PDLIM2: variants seen among roughly 807,000 people sequenced by gnomAD.
PDLIM2 encodes the protein PDZ and LIM domain protein 2.
A neutral mutation model predicts 54.1 loss-of-function variants in PDLIM2; 51 were observed. The ratio of observed to expected loss-of-function variants is 0.94; its 90% CI spans 0.75 to 1.19. The LOEUF (loss-of-function observed/expected upper bound fraction) is 1.19. PDLIM2 is among the 50% of genes most tolerant of loss of function. The pLI is 0.00. For synonymous variants in PDLIM2, 398 were observed against 385.6 expected (o/e 1.03, Z -0.38); for missense variants, 912 against 874.0 (o/e 1.04, Z -0.55).
intron 8 of PDLIM2, chr8:22,591,159 T>C (rs73672774): frequency 0.017 from 4,400 of 258,926 alleles, 204 homozygotes; most frequent in African/African-American, 0.094. Context: ...TCGTGTGGCT[T>C]GAGAGCTCAG....
chr8:22,585,624 C>G (rs574710131), intron 6 of PDLIM2: 3 of 548,386 alleles, frequency 5.5e-6, no homozygotes, highest in Non-Finnish European at 9.8e-6. Context: ...AGTAGCCCGT[C>G]CATCTCCTGC....
At chr8:22,578,767 C>G in exon 1 of PDLIM2, 2 of 1,233,856 alleles carry the variant, frequency 1.6e-6, no homozygotes, top group Non-Finnish European at 2.0e-6. Context: ...CCCACCCTGC[C>G]CAGGACCTGG....
rs542589680 is a variant in PDLIM2, at chr8:22,579,882, C to T, written c.748+355C>T. The stretch of plus-strand genomic sequence containing the variant: ...ACCCCGGCTGTCTGTCGGGCAGCAT[C>T]AGGAATCTGGGGGTGGGTGTGTCCA... On this transcript the variant is annotated intron_variant, in intron 1 of 9. Coordinates refer to ENST00000308354, the Ensembl canonical transcript of PDLIM2. The T allele has an allele frequency of 4.5e-5, 11 of 242,378 alleles. No homozygotes were observed. The South Asian group carries it at 1.6e-3, about 34-fold the overall frequency. 15.0% of individuals were successfully genotyped at this position (242,378 alleles called of 1,614,324 possible). A position where few individuals can be genotyped will look rare whatever the true frequency, so the allele number is the denominator to read the frequency against.
chr8:22,589,699 T>G (rs367558917), exon 8 of PDLIM2: 17 of 1,572,284 alleles, frequency 1.1e-5, no homozygotes, highest in Non-Finnish European at 1.4e-5. Flanking sequence ...ACAGTCCAGC[T>G]CCTTTCGGCT....
chr8:22,587,501 C>G (rs1260345236), intron 6 of PDLIM2, among the ~76,000 whole-genome samples: 2 of 152,116 alleles, frequency 1.3e-5, no homozygotes, highest in Non-Finnish European at 2.9e-5. Context: ...ACCCCTGACC[C>G]CCTGCCCTGC....
chr8:22,594,588 T>C (rs147556267), downstream of PDLIM2: 221 of 1,613,956 alleles, frequency 1.4e-4, 2 homozygotes, highest in African/African-American at 2.6e-3. Flanking sequence ...GAGGGGATGG[T>C]GGAGGGCGCC....
chr8:22,587,871 C>T (rs563847951), intron 6 of PDLIM2: 6 of 152,300 alleles, frequency 3.9e-5, no homozygotes, highest in Non-Finnish European at 8.8e-5. Flanking sequence ...CTTATAGTGC[C>T]TCTGGAAATT....
In PDLIM2 at chr8:22,581,507, G is replaced by T. The variant is rs376478765; in HGVS notation, c.972G>T (p.Ser324=). 7 of 1,591,912 alleles carry T rather than the reference G, an allele frequency of 4.4e-6. No individual in the cohort carries two copies. In the South Asian group the frequency reaches 7.9e-5, roughly 18 times the overall value. ...AGAGCAAGATCCGCCAGAGCCCCTCGCCCCTGCGGCTGCAGCTGGACCGGT... is the reference window on the plus strand; with the variant it reads ...AGAGCAAGATCCGCCAGAGCCCCTCTCCCCTGCGGCTGCAGCTGGACCGGT... Residue 324 remains serine (S), a synonymous_variant, in exon 3 of 10, where the codon TCG becomes TCT. Transcript: ENST00000308354.
At chr8:22,579,097 G>A in exon 1 of PDLIM2, 4 of 1,270,154 alleles carry the variant, frequency 3.1e-6, no homozygotes, top group Non-Finnish European at 4.0e-6. Flanking sequence ...CATGGGCGGA[G>A]GCAGGTCCGG....
chr8:22,580,923 C>T (rs754212759), intron 2 of PDLIM2: 9 of 694,164 alleles, frequency 1.3e-5, no homozygotes, highest in East Asian at 5.7e-5. Flanking sequence ...AGGACAGGGC[C>T]GGCTCTTGCC....
chr8:22,594,385 C>T, downstream of PDLIM2: 1 of 1,531,044 alleles, frequency 6.5e-7, no homozygotes, highest in African/African-American at 1.4e-5. Context: ...ATTTATGCAA[C>T]ATACGTTTCT....
At chr8:22,596,442 A>G (rs1302621378), downstream of PDLIM2, 1 of 152,214 alleles carries the variant, frequency 6.6e-6, no homozygotes, top group Non-Finnish European at 1.5e-5. Context: ...ACTCCCCTGG[A>G]AGAACGGAGT....
intron 3 of PDLIM2, among the ~76,000 whole-genome samples, chr8:22,582,185 G>C (rs959927159): frequency 1.3e-5 from 2 of 152,202 alleles, no homozygotes; most frequent in African/African-American, 4.8e-5. Context: ...CGAGCCAGGA[G>C]AGCCCTCTGC....
downstream of PDLIM2, chr8:22,594,313 C>A: frequency 7.0e-7 from 1 of 1,419,876 alleles, no homozygotes; most frequent in Non-Finnish European, 9.2e-7. Flanking sequence ...ATGTCCCTTC[C>A]TTCTTTTTCC....
At chr8:22,584,927 T>G in intron 4 of PDLIM2, 37 bp downstream of exon 3, 2 of 1,613,794 alleles carry the variant, frequency 1.2e-6, no homozygotes, top group Non-Finnish European at 1.7e-6. Flanking sequence ...CTCAGCACCC[T>G]GATCACTGGT....
At chr8:22,593,402 C>G (rs1800607028) in intron 9 of PDLIM2, 1 of 252,248 alleles carries the variant, frequency 4.0e-6, no homozygotes, top group African/African-American at 2.3e-5. Flanking sequence ...CACGGTAAAA[C>G]CCGTCTCTAC....
At position 22,578,797 on chromosome 8, in the gene PDLIM2, G is replaced by A. The variant is rs1284728827; in HGVS notation, c.18G>A (p.Ala6=). The A allele has an allele frequency of 2.1e-5, 26 of 1,234,228 alleles. No individual in the cohort carries two copies. The Admixed American group carries it at 9.7e-4, about 46-fold the overall frequency. 76.5% of individuals were successfully genotyped at this position (1,234,228 alleles called of 1,614,324 possible). Residue 6 remains alanine, a synonymous_variant, in exon 1 of 10, where the codon GCG becomes GCA. Coordinates refer to ENST00000308354, the Ensembl canonical transcript of PDLIM2. ...ACCTGGGGATGCGGGGCGGGAGAGC[G>A]CGGCCGGCGTGGGAGAGCTTTATGG...
At chr8:22,579,637 C>T in intron 1 of PDLIM2, 1 of 1,226,306 alleles carries the variant, frequency 8.2e-7, no homozygotes, top group Non-Finnish European at 1.1e-6. Flanking sequence ...GGGGATGGAG[C>T]GGACAGACCG....
intron 6 of PDLIM2, among the ~76,000 whole-genome samples, chr8:22,587,420 GAGAA>G (rs1437641029): frequency 1.3e-5 from 2 of 152,176 alleles, no homozygotes; most frequent in Non-Finnish European, 2.9e-5. Flanking sequence ...GAGGTCCCAT[GAGAA>G]AGAAACCCAC....
Sources: gnomAD v4.1 joint callset for allele counts (sites outside exome capture counted in the v4.1 genomes callset) on GRCh38, gnomAD v4.1.1 for gene constraint, MANE v1.5 for transcripts, NCBI Gene and HGNC (gene_info 2026-07-23, HGNC 2026-07-21) for gene names.